Variants in ADRA1B observed in about 807,000 individuals in gnomAD.
ADRA1B encodes the protein alpha-1B adrenergic receptor.
ADRA1B carries 17 observed loss-of-function variants against 17.9 expected under a neutral mutation model. The ratio of observed to expected loss-of-function variants is 0.95; its 90% CI spans 0.65 to 1.42. The LOEUF (loss-of-function observed/expected upper bound fraction) is 1.42. Among genes scored for constraint, ADRA1B ranks in the 40% most tolerant of loss-of-function variants. The probability of loss-of-function intolerance (pLI) is 0.00; values close to 1 mark genes in which losing one functional copy is unlikely to be tolerated. For synonymous variants in ADRA1B, 366 were observed against 327.6 expected, an observed-to-expected ratio of 1.12 and a Z score of -1.27; for missense variants, 681 against 722.1, an observed-to-expected ratio of 0.94 and a Z score of 0.65.
intron 1 of ADRA1B, 36 bp from the exon 2 acceptor site, chr5:159,971,839 GCTGT>G (rs1755871544): frequency 3.8e-6 from 5 of 1,310,264 alleles, no homozygotes; most frequent in Non-Finnish European, 4.9e-6. Context: ...CTCACAAATT[GCTGT>G]CTTTCTGCCC....
intron 1 of ADRA1B, among the ~76,000 whole-genome samples, chr5:159,910,388 G>C (rs1754216026): frequency 1.3e-5 from 2 of 152,230 alleles, no homozygotes; most frequent in Admixed American, 1.3e-4. Context: ...AGAAACAGAT[G>C]AAAGTGGTGG....
At chr5:159,987,925 C>T in the ADRA1B span, among the ~76,000 whole-genome samples, 10 of 151,918 alleles carry the variant, frequency 6.6e-5, no homozygotes, top group African/African-American at 1.9e-4. Flanking sequence ...CTGAAGAATG[C>T]CCCCCCTCGG....
chr5:159,904,891 C>A (rs1479011860), intron 1 of ADRA1B, among the ~76,000 whole-genome samples: 1 of 152,224 alleles, frequency 6.6e-6, no homozygotes, highest in African/African-American at 2.4e-5. Flanking sequence ...TAGAATCTTC[C>A]TCCTATCATC....
At chr5:159,927,763 G>C (rs909980335) in intron 1 of ADRA1B, among the ~76,000 whole-genome samples, 1 of 152,000 alleles carries the variant, frequency 6.6e-6, no homozygotes, top group Non-Finnish European at 1.5e-5. Context: ...TGTTTATAGT[G>C]CAGACGTCCA....
chr5:159,882,923 C>T (rs1299021521), intron 1 of ADRA1B, among the ~76,000 whole-genome samples: 2 of 152,128 alleles, frequency 1.3e-5, no homozygotes, highest in East Asian at 3.8e-4. Flanking sequence ...TATCAAGACG[C>T]CATGGCTGGA....
At chr5:159,947,394 A>G (rs1421393878) in intron 1 of ADRA1B, among the ~76,000 whole-genome samples, 2 of 151,910 alleles carry the variant, frequency 1.3e-5, no homozygotes, top group Non-Finnish European at 2.9e-5. Flanking sequence ...AAAATAATTG[A>G]CCCAAGTTCT....
In ADRA1B at chr5:159,917,850, G is replaced by T. The variant is rs576994119; in HGVS notation, c.945G>T (p.Pro315=). The T allele has an allele frequency of 3.1e-6, 5 of 1,598,520 alleles. No homozygotes were observed. In the Admixed American group the frequency reaches 5.2e-5, roughly 17 times the overall value. The part of the protein sequence containing the change: ...LCWLPFFIAL[P]LGSLFSTLKP... ...GGCTACCCTTCTTCATCGCTCTACCGCTTGGTAAGTTGGGGACTAGCAGCA... is the reference window on the plus strand; with the variant it reads ...GGCTACCCTTCTTCATCGCTCTACCTCTTGGTAAGTTGGGGACTAGCAGCA... The change falls in exon 1 of 2, where the codon CCG becomes CCT. Residue 315 remains proline (P), a synonymous_variant. Coordinates refer to ENST00000306675, the MANE Select transcript of ADRA1B (RefSeq NM_000679.4).
intron 1 of ADRA1B, among the ~76,000 whole-genome samples, chr5:159,905,128 G>C (rs1393243453): frequency 6.6e-6 from 1 of 152,238 alleles, no homozygotes; most frequent in Non-Finnish European, 1.5e-5. Flanking sequence ...CAAAAGGTTA[G>C]AAAAGGTCAG....
At chr5:159,952,364 C>T (rs1036362561) in intron 1 of ADRA1B, among the ~76,000 whole-genome samples, 5 of 152,110 alleles carry the variant, frequency 3.3e-5, no homozygotes, top group South Asian at 4.1e-4. Flanking sequence ...GCTATCTGAA[C>T]GTGGTCTCAC....
chr5:159,947,055 A>C (rs925809791), intron 1 of ADRA1B, among the ~76,000 whole-genome samples: 2 of 152,098 alleles, frequency 1.3e-5, no homozygotes, highest in African/African-American at 4.8e-5. Context: ...AGAGAACCAT[A>C]GTTAGCTGGG....
chr5:159,908,468 T>C (rs935008170), intron 1 of ADRA1B, among the ~76,000 whole-genome samples: 7 of 151,712 alleles, frequency 4.6e-5, no homozygotes, highest in African/African-American at 1.5e-4. Context: ...CAGGAGTGAG[T>C]GAGAGCTTGT....
intron 1 of ADRA1B, among the ~76,000 whole-genome samples, chr5:159,883,531 T>C (rs2113092215): frequency 6.6e-6 from 1 of 152,336 alleles, no homozygotes; most frequent in South Asian, 2.1e-4. Flanking sequence ...CAACAGTCAG[T>C]GCCAACATGT....
intron 1 of ADRA1B, among the ~76,000 whole-genome samples, chr5:159,881,652 T>C (rs1753864641): frequency 6.6e-6 from 1 of 152,134 alleles, no homozygotes; most frequent in African/African-American, 2.4e-5. Flanking sequence ...GGCATCTCTT[T>C]AGCAAGGATT....
chr5:159,927,381 GCA>G (rs59807316), intron 1 of ADRA1B, among the ~76,000 whole-genome samples: 2,796 of 140,578 alleles, frequency 0.02, 62 homozygotes, highest in African/African-American at 0.064. Context: ...ATTAAAACAT[GCA>G]CACACACACA....
chr5:159,926,904 T>A (rs1380973969), intron 1 of ADRA1B, among the ~76,000 whole-genome samples: 1 of 151,990 alleles, frequency 6.6e-6, no homozygotes, highest in Non-Finnish European at 1.5e-5. Context: ...TTAAATTAAA[T>A]TAAATTAATA....
At chr5:159,943,765 G>A (rs1755196825) in intron 1 of ADRA1B, among the ~76,000 whole-genome samples, 1 of 152,026 alleles carries the variant, frequency 6.6e-6, no homozygotes, top group Non-Finnish European at 1.5e-5. Flanking sequence ...AGGAAGAAAA[G>A]ATAAAATTTT....
the ADRA1B span, among the ~76,000 whole-genome samples, chr5:159,978,169 A>T: frequency 6.6e-6 from 1 of 151,944 alleles, no homozygotes; most frequent in Non-Finnish European, 1.5e-5. Flanking sequence ...GAGAGTGGGG[A>T]TATTTGTCTG....
chr5:159,894,730 G>A lies in ADRA1B; in HGVS notation c.-255-21389G>A, dbSNP rs116547597. 4.1e-3 allele frequency among the ~76,000 whole-genome samples: 626 copies of A among 152,234 alleles called. 9 individuals are homozygous for A. Among genetic ancestry groups the A allele is most frequent in the African/African-American group, 0.015 (609 of 41,528 alleles). On this transcript the variant is annotated intron_variant, in intron 1 of 2. Coordinates refer to the ADRA1B transcript ENST00000641205. ...TGAGGTAGGGATAGAGCAACATCAGGGGAGAGGGCCACTCACTATGCAGGG... is the reference window on the plus strand; with the variant it reads ...TGAGGTAGGGATAGAGCAACATCAGAGGAGAGGGCCACTCACTATGCAGGG...
chr5:159,873,520 C>G (rs549907319), intron 1 of ADRA1B, among the ~76,000 whole-genome samples: 2 of 152,352 alleles, frequency 1.3e-5, no homozygotes, highest in East Asian at 3.9e-4. Context: ...GAGGACAACT[C>G]TAATAAACAT....
Sources: gnomAD v4.1 joint callset for allele counts (sites outside exome capture counted in the v4.1 genomes callset) on GRCh38, gnomAD v4.1.1 for gene constraint, MANE v1.5 for transcripts, NCBI Gene and HGNC (gene_info 2026-07-23, HGNC 2026-07-21) for gene names.